Variants in C4BPB observed in about 807,000 individuals in gnomAD.
C4BPB encodes C4b-binding protein beta chain.
In C4BPB, 19 loss-of-function variants were observed where a neutral mutation model predicts 26.6. The observed-to-expected ratio is 0.71, with a 90% CI of 0.50 to 1.05. C4BPB has a LOEUF of 1.05. Among genes scored for constraint, C4BPB ranks in the 50% least tolerant of loss-of-function variants. The pLI, the probability that C4BPB is intolerant of heterozygous loss-of-function variation, is 0.00. For synonymous variants in C4BPB, 118 were observed against 103.5 expected (o/e 1.14, Z -0.85); for missense variants, 282 against 302.9 (o/e 0.93, Z 0.51).
chr1:207,093,356 A>G (rs1684116585), intron 4 of C4BPB, among the ~76,000 whole-genome samples: 1 of 152,216 alleles, frequency 6.6e-6, no homozygotes, highest in Non-Finnish European at 1.5e-5. Context: ...TGATGTATAC[A>G]TTTGACTGGA....
At chr1:207,091,269 A>G (rs1236428967) in intron 3 of C4BPB, among the ~76,000 whole-genome samples, 2 of 152,224 alleles carry the variant, frequency 1.3e-5, no homozygotes, top group Non-Finnish European at 2.9e-5. Context: ...AAAAATGCTA[A>G]GTAAGTGTAT....
chr1:207,091,505 C>T (rs894550328), intron 3 of C4BPB, 139 bp from the exon 4 acceptor site: 1 of 636,876 alleles, frequency 1.6e-6, no homozygotes, highest in Non-Finnish European at 2.7e-6. Flanking sequence ...TATGGTAGTA[C>T]CATGTACTTC....
At position 207,096,379 on chromosome 1, in the gene C4BPB, G is replaced by T. The variant is rs550211160; in HGVS notation, c.410-143G>T. 2.1e-5 allele frequency: 14 copies of T among 672,886 alleles called. No individual in the cohort carries two copies. In the African/African-American group the frequency reaches 2.2e-4, roughly 10 times the overall value. 41.7% of individuals were successfully genotyped at this position (672,886 alleles called of 1,614,324 possible). A position where few individuals can be genotyped will look rare whatever the true frequency, so the allele number is the denominator to read the frequency against. ...AAGAACAGGTTTCCAGATCCCGCAG[G>T]TGTTGCTGTGAGGATGTCAGGTGCT... On this transcript the variant is annotated intron_variant, in intron 4 of 6. Coordinates refer to ENST00000367078, the MANE Select transcript of C4BPB (RefSeq NM_001017365.3).
intron 4 of C4BPB, among the ~76,000 whole-genome samples, chr1:207,094,465 C>T (rs769927149): frequency 6.6e-5 from 10 of 152,104 alleles, no homozygotes; most frequent in Admixed American, 2.0e-4. Context: ...CATTTTATGT[C>T]ATTAGCTTGA....
At chr1:207,094,126 C>A (rs5016294) in intron 4 of C4BPB, among the ~76,000 whole-genome samples, 1 of 151,918 alleles carries the variant, frequency 6.6e-6, no homozygotes, top group Non-Finnish European at 1.5e-5. Flanking sequence ...TAGCCATTTA[C>A]GTCAGTGAGA....
rs1291770812 is a variant in C4BPB at position 207,097,235 on chromosome 1, C to T, written c.503+620C>T. Among the ~76,000 whole-genome samples the T allele has an allele frequency of 2.6e-5, 4 of 151,896 alleles. No homozygotes were observed. The East Asian group carries it at 5.8e-4, about 22-fold the overall frequency. ...TTTTTTGTTGTTGTTATTTTTGAGA[C>T]AGTGTCTCCCTCTGTCACCCAGGCT... is the stretch of plus-strand genomic sequence containing the variant. On this transcript the variant is annotated intron_variant, in intron 5 of 6. Coordinates refer to ENST00000367078, the MANE Select transcript of C4BPB (RefSeq NM_001017365.3).
At chr1:207,089,438 T>C in intron 1 of C4BPB, 44 bp from the exon 2 acceptor site, 1 of 1,014,614 alleles carries the variant, frequency 9.9e-7, no homozygotes, top group South Asian at 1.3e-5. Context: ...GGTGGTTAGG[T>C]TGGTCTTAAG....
rs771409897 is a variant in C4BPB at position 207,089,605 on chromosome 1, T to A, written c.58+16T>A. ...GCTTCAGATGGTACGTATGCTTTCC[T>A]TCAACTCAGCTTACAGGCATTTGGT... On this transcript the variant is annotated intron_variant, in intron 2 of 6. Coordinates refer to ENST00000367078, the MANE Select transcript of C4BPB (RefSeq NM_001017365.3). The A allele has an allele frequency of 1.2e-6, 2 of 1,612,648 alleles. No homozygotes were observed. The highest frequency in any genetic ancestry group is 4.5e-5 in the East Asian group (2 of 44,872).
At chr1:207,096,459 G>T in intron 4 of C4BPB, 63 bp from the exon 5 acceptor site, 5 of 943,446 alleles carry the variant, frequency 5.3e-6, no homozygotes, top group Non-Finnish European at 8.8e-6. Flanking sequence ...CTGCAATTAG[G>T]GGTGCTGTTC....
rs1572765304 is a variant in C4BPB, at chr1:207,099,830, G to A, written c.660G>A (p.Glu220=). Residue 220 remains glutamate (E), a synonymous_variant, in exon 7 of 7, where the codon GAG becomes GAA. Coordinates refer to ENST00000367078, the MANE Select transcript of C4BPB (RefSeq NM_001017365.3). ...GTAAGAACCTCTGCGAAGCCATGGA[G>A]AACTTTATGCAACAATTAAAGGAAA... The part of the protein sequence containing the change: ...QESKNLCEAM[E]NFMQQLKESG... 6.2e-7 allele frequency: 1 copy of A among 1,613,912 alleles called. No homozygotes were observed. Among genetic ancestry groups the A allele is most frequent in the South Asian group, 1.1e-5 (1 of 91,058 alleles).
At chr1:207,096,348 T>C in intron 4 of C4BPB, 174 bp from the exon 5 acceptor site, 1 of 609,398 alleles carries the variant, frequency 1.6e-6, no homozygotes, top group Non-Finnish European at 2.9e-6. Context: ...GAGAAGGAAA[T>C]GAATGAAGAA....
intron 6 of C4BPB, 78 bp downstream of exon 6, chr1:207,098,342 A>G: frequency 1.1e-6 from 1 of 885,048 alleles, no homozygotes; most frequent in Non-Finnish European, 1.8e-6. Flanking sequence ...TATGCTCAGT[A>G]TATATCTGTT....
At position 207,090,431 on chromosome 1, in the gene C4BPB, T is replaced by G. The variant is rs1558075144; in HGVS notation, c.182T>G (p.Leu61Arg). The change falls in exon 3 of 7, where the codon CTT becomes CGT. Residue 61 changes from leucine to arginine, a missense_variant. By Grantham distance (102) the Leu-to-Arg change is moderately radical (BLOSUM62 -2). Transcript: ENST00000367078. ...TACCACCTGGTAGGAAAGAAGACCC[T>G]TTTTTGCAATGCCTCTAAGGAGTGG... ...KGYHLVGKKT[L>R]FCNASKEWDN... is the part of the protein sequence containing the mutation. 1 of 1,613,794 alleles carries G rather than the reference T, an allele frequency of 6.2e-7. No homozygotes were observed. Among genetic ancestry groups the G allele is most frequent in the East Asian group, 2.2e-5 (1 of 44,868 alleles).
At position 207,091,819 on chromosome 1, in the gene C4BPB, T is replaced by C; in HGVS notation, c.408T>C (p.Ser136=). 2.5e-6 allele frequency: 4 copies of C among 1,611,762 alleles called. 1 individual carries two copies. The highest frequency in any genetic ancestry group is 3.4e-6 in the Non-Finnish European group (4 of 1,178,864). ...CACCTCCCTTTCCCATCTGCAAAAGTAGTAAGTACAAGAGAAACCATCAAG... is the reference window on the plus strand; with the variant it reads ...CACCTCCCTTTCCCATCTGCAAAAGCAGTAAGTACAAGAGAAACCATCAAG... ...TWAPPFPICK[S]RDCDPPGNPV... Residue 136 remains serine, a splice_region_variant and synonymous_variant, in exon 4 of 7, where the codon AGT becomes AGC. Transcript: ENST00000367078.
At chr1:207,094,962 T>A (rs1488450585) in intron 4 of C4BPB, 1 of 213,124 alleles carries the variant, frequency 4.7e-6, no homozygotes, top group Non-Finnish European at 9.5e-6. Flanking sequence ...TGCTTATGTA[T>A]GTGTAACCAT....
Position 207,098,236 on chromosome 1 carries a change from C to T in C4BPB, c.590C>T (p.Ala197Val). 1.2e-6 allele frequency: 2 copies of T among 1,613,410 alleles called. No individual in the cohort carries two copies. The highest frequency in any genetic ancestry group is 8.5e-7 in the Non-Finnish European group (1 of 1,179,334). ...CCAGTCTGCAAGTTGATCCAGGAAG[C>T]TCCCAAACCAGAGTGTGAGAAGGCA... ...ALPVCKLIQEAPKPECEKALL... is the reference protein window; with the variant it reads ...ALPVCKLIQEVPKPECEKALL... The change falls in exon 6 of 7, where the codon GCT becomes GTT. Residue 197 changes from alanine to valine, a missense_variant. Physicochemically the swap from Ala to Val is moderately conservative, Grantham distance 64. Transcript: ENST00000367078.
At chr1:207,098,805 C>T (rs1684356205) in intron 6 of C4BPB, among the ~76,000 whole-genome samples, 2 of 152,174 alleles carry the variant, frequency 1.3e-5, no homozygotes, top group African/African-American at 4.8e-5. Context: ...GATTATCAGG[C>T]ATTAGATTCT....
rs1219152189 is a variant in C4BPB at position 207,091,792 on chromosome 1, G to A, written c.381G>A (p.Trp127Ter). 4.3e-6 allele frequency: 7 copies of A among 1,613,646 alleles called. No individual in the cohort carries two copies. The highest frequency in any genetic ancestry group is 5.9e-6 in the Non-Finnish European group (7 of 1,179,824). Reference sequence around the variant, plus strand: ...GCCAGTGTCTAGAGGACCACACCTGGGCACCTCCCTTTCCCATCTGCAAAA... The same window carrying A: ...GCCAGTGTCTAGAGGACCACACCTGAGCACCTCCCTTTCCCATCTGCAAAA... ...NRSQCLEDHTWAPPFPICKSR... is the reference protein window; with the variant it reads ...NRSQCLEDHT The change falls in exon 4 of 7, where the codon TGG becomes TGA. Residue 127 changes from tryptophan to a stop codon, truncating the protein, a stop_gained. Coordinates refer to ENST00000367078, the MANE Select transcript of C4BPB (RefSeq NM_001017365.3). LOFTEE classifies it high-confidence loss of function.
At chr1:207,098,668 T>C (rs931061528) in intron 6 of C4BPB, among the ~76,000 whole-genome samples, 2 of 152,224 alleles carry the variant, frequency 1.3e-5, no homozygotes, top group Non-Finnish European at 2.9e-5. Context: ...ATTTCTATTA[T>C]TATTACATTG....
Sources: allele counts gnomAD v4.1 joint callset (sites outside exome capture counted in the v4.1 genomes callset), GRCh38; gene constraint gnomAD v4.1.1; transcripts MANE v1.5; gene names NCBI Gene and HGNC (gene_info 2026-07-23, HGNC 2026-07-21).